Variants in NRXN1 observed in about 807,000 individuals in gnomAD.
NRXN1 encodes neurexin-1.
NRXN1 carries 39 observed loss-of-function variants against 150.9 expected under a neutral mutation model. The ratio of observed to expected loss-of-function variants is 0.26; its 90% CI spans 0.20 to 0.34. The LOEUF is 0.34. Among genes scored for constraint, NRXN1 ranks in the 10% least tolerant of loss-of-function variants. NRXN1 has a pLI of 1.00. For missense variants in NRXN1, 1,815 were observed against 1,949.9 expected, an observed-to-expected ratio of 0.93 and a Z score of 1.30; for synonymous variants, 924 against 757.0, an observed-to-expected ratio of 1.22 and a Z score of -3.62.
chr2:50,659,268 T>C (rs1222020284), intron 5 of NRXN1, among the ~76,000 whole-genome samples: 3 of 152,098 alleles, frequency 2.0e-5, no homozygotes, highest in Non-Finnish European at 4.4e-5. Context: ...CTCATTTTGC[T>C]GGACATTTAT....
At chr2:50,565,309 T>C (rs1466113280) in intron 8 of NRXN1, among the ~76,000 whole-genome samples, 1 of 152,132 alleles carries the variant, frequency 6.6e-6, no homozygotes, top group Non-Finnish European at 1.5e-5. Context: ...AATAGTCTCA[T>C]GTAATTTCGC....
chr2:50,174,693 A>G (rs1189786246), intron 18 of NRXN1: 1 of 152,196 alleles, frequency 6.6e-6, no homozygotes, highest in Non-Finnish European at 1.5e-5. Flanking sequence ...AGATAATAGT[A>G]TTACATACCT....
At chr2:50,063,507 T>C (rs1488198746) in intron 19 of NRXN1, among the ~76,000 whole-genome samples, 4 of 150,414 alleles carry the variant, frequency 2.7e-5, no homozygotes, top group African/African-American at 9.8e-5. Context: ...TGCGAATTTC[T>C]TGCATCCCTG....
intron 18 of NRXN1, among the ~76,000 whole-genome samples, chr2:50,176,394 G>C (rs1009387495): frequency 1.4e-4 from 22 of 152,086 alleles, no homozygotes; most frequent in African/African-American, 2.4e-5. Flanking sequence ...TTTTAGGCTA[G>C]AAAATTCTTT....
intron 17 of NRXN1, among the ~76,000 whole-genome samples, chr2:50,336,906 G>A (rs1400010514): frequency 6.6e-6 from 1 of 152,022 alleles, no homozygotes; most frequent in African/African-American, 2.4e-5. Context: ...TAAACCTTCA[G>A]AGAAATGACT....
intron 5 of NRXN1, among the ~76,000 whole-genome samples, chr2:50,665,494 T>C (rs538329331): frequency 2.0e-5 from 3 of 151,910 alleles, no homozygotes; most frequent in African/African-American, 7.2e-5. Context: ...ACTGATCTAT[T>C]GGCAATCCCC....
intron 5 of NRXN1, among the ~76,000 whole-genome samples, chr2:50,632,013 A>T (rs1180558423): frequency 1.3e-5 from 2 of 151,990 alleles, no homozygotes; most frequent in Non-Finnish European, 2.9e-5. Flanking sequence ...CCAATTAATG[A>T]TTACTTAATA....
At chr2:50,646,957 G>T (rs1240269009) in intron 5 of NRXN1, among the ~76,000 whole-genome samples, 1 of 151,660 alleles carries the variant, frequency 6.6e-6, no homozygotes, top group Non-Finnish European at 1.5e-5. Flanking sequence ...TTCCTACAGA[G>T]AATATTTCTA....
chr2:50,372,851 A>G (rs1161489597), intron 17 of NRXN1, among the ~76,000 whole-genome samples: 1 of 152,098 alleles, frequency 6.6e-6, no homozygotes, highest in Admixed American at 6.6e-5. Flanking sequence ...AGCAACATTG[A>G]TCCTACCAAA....
At chr2:50,740,840 C>T (rs370360293) in intron 5 of NRXN1, among the ~76,000 whole-genome samples, 1 of 152,252 alleles carries the variant, frequency 6.6e-6, no homozygotes, top group Non-Finnish European at 1.5e-5. Context: ...TTACTAAGAA[C>T]AGTGACTTGA....
intron 5 of NRXN1, among the ~76,000 whole-genome samples, chr2:50,895,456 G>A (rs1363150664): frequency 1.3e-5 from 2 of 152,140 alleles, no homozygotes; most frequent in Non-Finnish European, 2.9e-5. Flanking sequence ...ACATAAAGAG[G>A]CTGTATCAGA....
chr2:50,147,594 T>C (rs902315780), intron 18 of NRXN1, among the ~76,000 whole-genome samples: 2 of 151,644 alleles, frequency 1.3e-5, no homozygotes, highest in Admixed American at 6.6e-5. Context: ...AACTACGTGA[T>C]TGACTGTAAT....
intron 8 of NRXN1, among the ~76,000 whole-genome samples, chr2:50,569,648 C>T (rs1382168757): frequency 2.0e-5 from 3 of 152,048 alleles, no homozygotes; most frequent in African/African-American, 4.8e-5. Context: ...GATATTCACC[C>T]GTCTACAGGC....
chr2:50,975,367 A>C (rs921964229), intron 2 of NRXN1, among the ~76,000 whole-genome samples: 1 of 152,150 alleles, frequency 6.6e-6, no homozygotes, highest in Non-Finnish European at 1.5e-5. Context: ...CTTCCATTTG[A>C]AAAACAGTGA....
chr2:50,710,147 T>G (rs1457419867), intron 5 of NRXN1, among the ~76,000 whole-genome samples: 1 of 152,148 alleles, frequency 6.6e-6, no homozygotes, highest in African/African-American at 2.4e-5. Flanking sequence ...CAGGGAGCTT[T>G]CAAAGGAGCT....
At chr2:50,493,107 C>T (rs2091353630) in intron 15 of NRXN1, among the ~76,000 whole-genome samples, 1 of 152,182 alleles carries the variant, frequency 6.6e-6, no homozygotes, top group Non-Finnish European at 1.5e-5. Flanking sequence ...GAGAGTAAAT[C>T]TGATGTTTTC....
At chr2:50,741,934 A>G (rs937622038) in intron 5 of NRXN1, among the ~76,000 whole-genome samples, 1 of 152,136 alleles carries the variant, frequency 6.6e-6, no homozygotes, top group Non-Finnish European at 1.5e-5. Context: ...ATGATGTGAG[A>G]TATTTTCTTA....
At chr2:50,214,708 C>G (rs1306210971) in intron 18 of NRXN1, among the ~76,000 whole-genome samples, 2 of 151,978 alleles carry the variant, frequency 1.3e-5, no homozygotes, top group Non-Finnish European at 2.9e-5. Context: ...ATGCAGAAGT[C>G]ATAACATATC....
chr2:50,873,175 T>G (rs1678047413), intron 5 of NRXN1, among the ~76,000 whole-genome samples: 1 of 151,856 alleles, frequency 6.6e-6, no homozygotes, highest in African/African-American at 2.4e-5. Context: ...AACCATAATA[T>G]CTAGCCCTTG....
Sources: allele counts gnomAD v4.1 joint callset (sites outside exome capture counted in the v4.1 genomes callset), GRCh38; gene constraint gnomAD v4.1.1; transcripts MANE v1.5; gene names NCBI Gene and HGNC (gene_info 2026-07-23, HGNC 2026-07-21).